Variants in TTC12 observed in about 807,000 individuals in gnomAD.
TTC12 encodes tetratricopeptide repeat protein 12.
Under a neutral mutation model 90.1 loss-of-function variants are expected in TTC12, and 70 were observed. The observed-to-expected ratio is 0.78, with a 90% confidence interval of 0.64 to 0.95. The LOEUF is 0.95. Ranked by LOEUF, TTC12 falls within the 40% of genes least tolerant of loss-of-function variation. TTC12 has a pLI of 0.00. For synonymous variants in TTC12, 296 were observed against 311.5 expected (o/e 0.95, Z 0.53); for missense variants, 819 against 846.1 (o/e 0.97, Z 0.40).
At chr11:113,345,778 A>T (rs931237164) in intron 13 of TTC12, among the ~76,000 whole-genome samples, 19 of 151,886 alleles carry the variant, frequency 1.3e-4, no homozygotes, top group Non-Finnish European at 2.4e-4. Context: ...GTATTTTTTT[A>T]ATATTGTTTT....
At chr11:113,368,516 A>G, downstream of TTC12, 1 of 1,545,768 alleles carries the variant, frequency 6.5e-7, no homozygotes, top group Non-Finnish European at 8.8e-7. Flanking sequence ...TTTCCATCCT[A>G]AAGAGGATGT....
chr11:113,354,056 A>G (rs528192483), intron 16 of TTC12, among the ~76,000 whole-genome samples: 2 of 152,324 alleles, frequency 1.3e-5, no homozygotes, highest in East Asian at 3.9e-4. Flanking sequence ...TTTAGGCAGT[A>G]TGGCCATTTT....
chr11:113,333,001 T>C (rs782451604), intron 7 of TTC12, among the ~76,000 whole-genome samples: 5 of 152,172 alleles, frequency 3.3e-5, no homozygotes, highest in Admixed American at 6.5e-5. Context: ...GGACTTCAGA[T>C]ATTAGCCCTT....
chr11:113,344,562 C>T, intron 13 of TTC12, 122 bp downstream of exon 13: 1 of 1,064,622 alleles, frequency 9.4e-7, no homozygotes, highest in Non-Finnish European at 1.4e-6. Flanking sequence ...CAGAAAGAGC[C>T]TTTGACAAGA....
rs561111957 is a variant in TTC12, at chr11:113,324,773, A to G, written c.322+91A>G. On this transcript the variant is annotated intron_variant, in intron 5 of 21. Coordinates refer to ENST00000529221, the MANE Select transcript of TTC12 (RefSeq NM_017868.4). ...TGTATGCTGACATTTGAGGACATCTAGATTCCCAGTGGTGAGGTTTGTGAT... is the reference window on the plus strand; with the variant it reads ...TGTATGCTGACATTTGAGGACATCTGGATTCCCAGTGGTGAGGTTTGTGAT... 6.1e-6 allele frequency: 7 copies of G among 1,150,156 alleles called. No individual in the cohort carries two copies. The African/African-American group carries it at 7.7e-5, about 13-fold the overall frequency. 71.2% of individuals were successfully genotyped at this position (1,150,156 alleles called of 1,614,324 possible).
chr11:113,318,059 A>G (rs1947056878), intron 2 of TTC12, among the ~76,000 whole-genome samples: 1 of 152,138 alleles, frequency 6.6e-6, no homozygotes, highest in South Asian at 2.1e-4. Context: ...ATTAATTTAA[A>G]TTTATGTAGC....
chr11:113,355,023 G>A (rs1555151933), intron 16 of TTC12, among the ~76,000 whole-genome samples: 1 of 152,168 alleles, frequency 6.6e-6, no homozygotes, highest in Non-Finnish European at 1.5e-5. Flanking sequence ...AATAGTTTTA[G>A]CAGGAATAGT....
chr11:113,332,713 C>G (rs996111830), intron 7 of TTC12, among the ~76,000 whole-genome samples: 1 of 152,220 alleles, frequency 6.6e-6, no homozygotes, highest in Admixed American at 6.5e-5. Context: ...AGCTCCAGGG[C>G]TGCATGTCAG....
chr11:113,360,409 GA>G (rs545188011), intron 18 of TTC12, among the ~76,000 whole-genome samples: 4,457 of 139,606 alleles, frequency 0.032, 186 homozygotes, highest in African/African-American at 0.11. Flanking sequence ...TTTTCCATAA[GA>G]AAAAAAAAAA....
intron 1 of TTC12, chr11:113,314,915 T>TGAA (rs1293379040): frequency 7.1e-6 from 1 of 140,560 alleles, no homozygotes; most frequent in Non-Finnish European, 1.5e-5. Context: ...CCCTACCGAG[T>TGAA]GAAGCACTGA....
chr11:113,361,247 T>C (rs941711358), intron 18 of TTC12, among the ~76,000 whole-genome samples: 15 of 152,212 alleles, frequency 9.9e-5, no homozygotes, highest in African/African-American at 3.1e-4. Context: ...CAAGTTTATC[T>C]TTTCTCCCTC....
intron 13 of TTC12, among the ~76,000 whole-genome samples, chr11:113,349,614 C>A (rs1255858538): frequency 5.9e-5 from 9 of 152,194 alleles, no homozygotes; most frequent in Admixed American, 3.9e-4. Flanking sequence ...TTGAGCTTAA[C>A]CCTATTAAAT....
intron 16 of TTC12, among the ~76,000 whole-genome samples, chr11:113,358,799 C>T (rs1442528778): frequency 6.6e-6 from 1 of 152,170 alleles, no homozygotes. Context: ...GTTCCAGAGG[C>T]CTATGATGAG....
rs782012795 is a variant in TTC12 at position 113,352,173 on chromosome 11, G to A, written c.1412G>A (p.Cys471Tyr). 2 of 1,614,238 alleles carry A rather than the reference G, an allele frequency of 1.2e-6. No homozygotes were observed. Among genetic ancestry groups the A allele is most frequent in the Admixed American group, 3.3e-5 (2 of 60,022 alleles). ...ACTACCCGAAGACACATGGCGGCCT[G>A]TGAGGAATTTGGGGATGGCTGCTTG... Reference protein sequence around the residue: ...EPTTRRHMAACEEFGDGCLSL... With the variant: ...EPTTRRHMAAYEEFGDGCLSL... The change falls in exon 16 of 22, where the codon TGT becomes TAT. Residue 471 changes from cysteine (C) to tyrosine (Y), a missense_variant. Transcript: ENST00000529221.
intron 13 of TTC12, among the ~76,000 whole-genome samples, chr11:113,347,890 T>C (rs1365185485): frequency 6.6e-6 from 1 of 152,186 alleles, no homozygotes; most frequent in African/African-American, 2.4e-5. Flanking sequence ...CCCTGTGGCA[T>C]TTGGTCCTAT....
chr11:113,344,132 G>C, intron 12 of TTC12, 140 bp from the exon 13 acceptor site: 1 of 992,732 alleles, frequency 1.0e-6, no homozygotes, highest in Non-Finnish European at 1.5e-6. Context: ...TCTGGTTCTA[G>C]AATCCACACT....
At chr11:113,330,254 T>TTG (rs1947969196) in intron 7 of TTC12, among the ~76,000 whole-genome samples, 1 of 152,224 alleles carries the variant, frequency 6.6e-6, no homozygotes, top group South Asian at 2.1e-4. Flanking sequence ...TATCAGACAC[T>TTG]TGGTTCTATG....
downstream of TTC12, chr11:113,369,157 C>T (rs1247007741): frequency 6.5e-6 from 1 of 152,898 alleles, no homozygotes; most frequent in East Asian, 1.9e-4. Flanking sequence ...AACAGAGCCT[C>T]ACTTTATCGG....
chr11:113,368,065 G>A (rs758166910), downstream of TTC12: 18 of 710,876 alleles, frequency 2.5e-5, no homozygotes, highest in Middle Eastern at 1.7e-3. Context: ...TGAAGTTCAG[G>A]CCCCGCCTTC....
Sources: gnomAD v4.1 joint callset for allele counts (sites outside exome capture counted in the v4.1 genomes callset) on GRCh38, gnomAD v4.1.1 for gene constraint, MANE v1.5 for transcripts, NCBI Gene and HGNC (gene_info 2026-07-23, HGNC 2026-07-21) for gene names.